Variants in SGMS1 observed in about 807,000 individuals in gnomAD.
SGMS1 encodes the protein phosphatidylcholine:ceramide cholinephosphotransferase 1.
SGMS1 carries 13 observed loss-of-function variants against 46.2 expected under a neutral mutation model. That is an observed-to-expected ratio of 0.28 (90% CI 0.18 to 0.45). The LOEUF is 0.45. Ranked by LOEUF, SGMS1 falls within the 20% of genes least tolerant of loss-of-function variation. The pLI is 1.00. For missense variants in SGMS1, 324 were observed against 519.9 expected (o/e 0.62, Z 3.66); for synonymous variants, 203 against 187.8 (o/e 1.08, Z -0.66).
intron 6 of SGMS1, among the ~76,000 whole-genome samples, chr10:50,352,814 A>G (rs573237785): frequency 6.6e-6 from 1 of 152,258 alleles, no homozygotes; most frequent in African/African-American, 2.4e-5. Flanking sequence ...AAACACCTCT[A>G]TGCAAATAAA....
intron 2 of SGMS1, among the ~76,000 whole-genome samples, chr10:50,530,816 T>G (rs751348280): frequency 3.9e-5 from 6 of 152,162 alleles, no homozygotes; most frequent in Non-Finnish European, 8.8e-5. Flanking sequence ...TACATGCAAA[T>G]GCAGTGTGGT....
At chr10:50,331,338 A>G (rs1050865771) in intron 7 of SGMS1, among the ~76,000 whole-genome samples, 1 of 152,224 alleles carries the variant, frequency 6.6e-6, no homozygotes, top group Non-Finnish European at 1.5e-5. Flanking sequence ...AATATAAACA[A>G]AACAAAAATA....
At chr10:50,585,512 A>C (rs1221823320) in intron 2 of SGMS1, among the ~76,000 whole-genome samples, 1 of 152,276 alleles carries the variant, frequency 6.6e-6, no homozygotes, top group Non-Finnish European at 1.5e-5. Flanking sequence ...GAGGATTTTT[A>C]GTTCCACTTC....
rs539134403 is a variant in SGMS1 at position 50,569,696 on chromosome 10, T to A, written c.-589+20457A>T. 4.6e-5 allele frequency among the ~76,000 whole-genome samples: 7 copies of A among 152,302 alleles called. No homozygotes were observed. The South Asian group carries it at 8.3e-4, about 18-fold the overall frequency. ...CAATTTCCCCCAAACAAATAATTTT[T>A]AAAAATTTTTAAAGAAAAACAAAGT... is the stretch of plus-strand genomic sequence containing the variant. On this transcript the variant is annotated intron_variant, in intron 2 of 10. Coordinates refer to ENST00000361781, the MANE Select transcript of SGMS1 (RefSeq NM_147156.4).
intron 7 of SGMS1, chr10:50,341,218 T>C: frequency 5.0e-6 from 2 of 403,652 alleles, no homozygotes; most frequent in Non-Finnish European, 9.9e-6. Context: ...GATTTTAACC[T>C]TCTCTATGAG....
chr10:50,486,364 A>G (rs115489828), intron 3 of SGMS1, among the ~76,000 whole-genome samples: 1 of 152,364 alleles, frequency 6.6e-6, no homozygotes, highest in African/African-American at 2.4e-5. Flanking sequence ...AAGTATCATC[A>G]GAGCAAACAG....
intron 1 of SGMS1, among the ~76,000 whole-genome samples, chr10:50,598,706 G>C (rs1838619927): frequency 6.6e-6 from 1 of 152,082 alleles, no homozygotes; most frequent in Non-Finnish European, 1.5e-5. Context: ...TTGGTTTCCA[G>C]ACTGATTTCA....
chr10:50,489,733 T>C (rs1252513039), intron 3 of SGMS1, among the ~76,000 whole-genome samples: 1 of 152,176 alleles, frequency 6.6e-6, no homozygotes, highest in East Asian at 1.9e-4. Context: ...CCCAGCACTT[T>C]GGGAGGCTAA....
chr10:50,344,087 TG>T lies in SGMS1; in HGVS notation c.27del (p.Lys10ArgfsTer27), dbSNP rs754251261. ...TCCAGCAGCCAGTCTGCCACCTTCT[TG>T]GGTGACCAATAAACCACTTCCTTCA... MKEVVYWS[P>X]KKVADWLLEN... On this transcript the variant is annotated frameshift_variant, in exon 7 of 11. Coordinates refer to ENST00000361781, the MANE Select transcript of SGMS1 (RefSeq NM_147156.4). LOFTEE classifies it high-confidence loss of function. 6.2e-7 allele frequency: 1 copy of T among 1,612,492 alleles called. No individual in the cohort carries two copies. Among genetic ancestry groups the T allele is most frequent in the East Asian group, 2.2e-5 (1 of 44,854 alleles).
chr10:50,555,854 A>G (rs1838185567), intron 2 of SGMS1, among the ~76,000 whole-genome samples: 1 of 152,196 alleles, frequency 6.6e-6, no homozygotes, highest in African/African-American at 2.4e-5. Context: ...TAAAAACACC[A>G]ATTTCAGAAA....
intron 2 of SGMS1, among the ~76,000 whole-genome samples, chr10:50,521,064 T>A (rs1837853222): frequency 6.6e-6 from 1 of 151,752 alleles, no homozygotes; most frequent in East Asian, 1.9e-4. Context: ...TTAGTAGAGA[T>A]GGGGTCTTGC....
intron 3 of SGMS1, among the ~76,000 whole-genome samples, chr10:50,500,477 C>G (rs1167227667): frequency 6.6e-6 from 1 of 152,068 alleles, no homozygotes; most frequent in African/African-American, 2.4e-5. Flanking sequence ...AAAGGTTAAA[C>G]CAAAAGGGTA....
chr10:50,395,572 G>A (rs903265432), intron 6 of SGMS1, among the ~76,000 whole-genome samples: 6 of 152,164 alleles, frequency 3.9e-5, no homozygotes, highest in African/African-American at 1.2e-4. Context: ...AGTAATCAAT[G>A]AAACTGGAGT....
chr10:50,416,417 A>AT (rs1849170919), intron 6 of SGMS1, among the ~76,000 whole-genome samples: 1 of 152,256 alleles, frequency 6.6e-6, no homozygotes, highest in South Asian at 2.1e-4. Flanking sequence ...AAAGCATCTC[A>AT]GTGCCTGATA....
At position 50,466,916 on chromosome 10, in the gene SGMS1, T is replaced by C. The variant is rs1379568053; in HGVS notation, c.-481A>G. ...TGAATCATGCTGTTATTTTTCTTCA[T>C]CAGTCTTCTTTCCAATCTAGAAGAA... On this transcript the variant is annotated 5_prime_UTR_variant, in exon 4 of 11. The change abolishes an upstream ATG in the 5' untranslated region. Transcript: ENST00000361781. 3 of 152,240 alleles carry C rather than the reference T, an allele frequency of 2.0e-5. No homozygotes were observed. The highest frequency in any genetic ancestry group is 2.1e-4 in the South Asian group (1 of 4,822). 9.4% of individuals were successfully genotyped at this position (152,240 alleles called of 1,614,324 possible).
rs1486507476 is a variant in SGMS1, at chr10:50,343,665, T to C, written c.450A>G (p.Thr150=). ...GTTCGTGGACGACCGAGATCATCAC[T>C]GTGGTGAGAACGAAACAGGAAAGTG... ...LYALSCFVLT[T]VMISVVHERV... Residue 150 remains threonine (T), a synonymous_variant, in exon 7 of 11, where the codon ACA becomes ACG. Transcript: ENST00000361781. 17 of 1,614,092 alleles carry C rather than the reference T, an allele frequency of 1.1e-5. No homozygotes were observed. Among genetic ancestry groups the C allele is most frequent in the Non-Finnish European group, 1.4e-5 (17 of 1,180,000 alleles).
In SGMS1 at chr10:50,554,612, A is replaced by G. The variant is rs116279000; in HGVS notation, c.-588-34691T>C. On this transcript the variant is annotated intron_variant, in intron 2 of 10. Coordinates refer to ENST00000361781, the MANE Select transcript of SGMS1 (RefSeq NM_147156.4). The stretch of plus-strand genomic sequence containing the variant: ...TGCAGGAGCAGGCTGCAGCCACCCA[A>G]TGCAGGCACCGAGAAGGTTCAGGGG... Among the ~76,000 whole-genome samples, 651 of 152,340 alleles carry G rather than the reference A, an allele frequency of 4.3e-3. 3 individuals are homozygous for G. The highest frequency in any genetic ancestry group is 0.012 in the African/African-American group (510 of 41,576).
At chr10:50,574,979 A>ATGTG (rs1838370183) in intron 2 of SGMS1, among the ~76,000 whole-genome samples, 1 of 115,062 alleles carries the variant, frequency 8.7e-6, no homozygotes, top group Non-Finnish European at 2.2e-5. Flanking sequence ...ATATATATAT[A>ATGTG]TATATAAAAC....
At chr10:50,585,478 T>G (rs1350133454) in intron 2 of SGMS1, among the ~76,000 whole-genome samples, 1 of 152,272 alleles carries the variant, frequency 6.6e-6, no homozygotes. Context: ...TTAATAAAGA[T>G]AGCTGACATA....
Sources: allele counts gnomAD v4.1 joint callset (sites outside exome capture counted in the v4.1 genomes callset), GRCh38; gene constraint gnomAD v4.1.1; transcripts MANE v1.5; gene names NCBI Gene and HGNC (gene_info 2026-07-23, HGNC 2026-07-21).